Variants in PLCE1 observed in about 807,000 individuals in gnomAD.
PLCE1 encodes 1-phosphatidylinositol 4,5-bisphosphate phosphodiesterase epsilon-1.
PLCE1 carries 119 observed loss-of-function variants against 242.8 expected under a neutral mutation model. The observed-to-expected ratio is 0.49, with a 90% CI of 0.42 to 0.57. The LOEUF is 0.57. Among genes scored for constraint, PLCE1 ranks in the 20% least tolerant of loss-of-function variants. PLCE1 has a pLI of 0.00. For synonymous variants in PLCE1, 945 were observed against 1,017.4 expected (o/e 0.93, Z 1.35); for missense variants, 2,441 against 2,788.8 (o/e 0.88, Z 2.81).
chr10:94,028,415 T>A (rs1427108871), intron 1 of PLCE1, among the ~76,000 whole-genome samples: 1 of 152,166 alleles, frequency 6.6e-6, no homozygotes, highest in Non-Finnish European at 1.5e-5. Context: ...CCCCAGAGCA[T>A]GCGAGAGAGG....
intron 2 of PLCE1, chr10:94,089,015 A>C: frequency 6.7e-7 from 1 of 1,485,448 alleles, no homozygotes; most frequent in Non-Finnish European, 9.2e-7. Context: ...CAGCTAATGT[A>C]AACACTCATC....
intron 2 of PLCE1, chr10:94,107,579 T>C (rs1564695013): frequency 6.6e-6 from 1 of 152,170 alleles, no homozygotes; most frequent in Non-Finnish European, 1.5e-5. Flanking sequence ...CAGTGGACTC[T>C]GTAACCAAAA....
intron 7 of PLCE1, among the ~76,000 whole-genome samples, chr10:94,240,543 G>A (rs1294206073): frequency 2.0e-5 from 3 of 152,146 alleles, no homozygotes; most frequent in Non-Finnish European, 4.4e-5. Context: ...CTTTGGAAAG[G>A]ACATAGATTT....
intron 19 of PLCE1, among the ~76,000 whole-genome samples, chr10:94,277,712 T>G (rs2052014270): frequency 6.6e-6 from 1 of 152,182 alleles, no homozygotes; most frequent in Non-Finnish European, 1.5e-5. Context: ...GGCTCACTTG[T>G]GCCTACAACA....
intron 2 of PLCE1, among the ~76,000 whole-genome samples, chr10:94,085,061 A>G (rs1383380200): frequency 6.6e-6 from 1 of 152,246 alleles, no homozygotes; most frequent in African/African-American, 2.4e-5. Context: ...TTACAACAAC[A>G]ATAACAAATA....
chr10:94,150,211 T>C (rs543971928), intron 3 of PLCE1, among the ~76,000 whole-genome samples: 2 of 152,348 alleles, frequency 1.3e-5, no homozygotes, highest in African/African-American at 4.8e-5. Context: ...GCATGTCTTC[T>C]GTACTTCTCA....
chr10:94,191,502 G>A (rs1240428351), intron 4 of PLCE1, among the ~76,000 whole-genome samples: 1 of 152,184 alleles, frequency 6.6e-6, no homozygotes, highest in East Asian at 1.9e-4. Flanking sequence ...TTACCCAGGT[G>A]TGGGGTACGT....
intron 22 of PLCE1, chr10:94,286,809 A>C (rs1416392437): frequency 1.3e-5 from 2 of 152,164 alleles, no homozygotes; most frequent in Non-Finnish European, 2.9e-5. Context: ...CAACTGGCAA[A>C]ACTCTTTTTC....
At chr10:94,001,754 T>A (rs1265924239) in intron 1 of PLCE1, among the ~76,000 whole-genome samples, 1 of 152,228 alleles carries the variant, frequency 6.6e-6, no homozygotes, top group Non-Finnish European at 1.5e-5. Context: ...TAACACAAAC[T>A]CAGATTTCAT....
At chr10:94,027,580 G>A (rs1311864163) in intron 1 of PLCE1, among the ~76,000 whole-genome samples, 3 of 152,104 alleles carry the variant, frequency 2.0e-5, no homozygotes, top group Admixed American at 6.5e-5. Flanking sequence ...CCAGCACTTC[G>A]GGAAGCCAAG....
At position 93,997,974 on chromosome 10, in the gene PLCE1, T is replaced by C. The variant is rs2060860744; in HGVS notation, c.-365+3716T>C. On this transcript the variant is annotated intron_variant, in intron 1 of 32. Coordinates refer to ENST00000371380, the MANE Select transcript of PLCE1 (RefSeq NM_016341.4). ...GGGTGGAGGGTGGCCGGTGGTTTGG[T>C]CCTAGTATAGATCAACTGTTACAGG... Among the ~76,000 whole-genome samples the C allele has an allele frequency of 3.9e-5, 6 of 152,256 alleles. No individual in the cohort carries two copies. In the South Asian group the frequency reaches 1.2e-3, roughly 32 times the overall value.
intron 4 of PLCE1, among the ~76,000 whole-genome samples, chr10:94,221,266 T>G (rs2049733589): frequency 2.0e-5 from 3 of 152,348 alleles, no homozygotes; most frequent in African/African-American, 7.2e-5. Context: ...CTGATGTCAG[T>G]GCTCCACATT....
chr10:94,237,974 C>A (rs113358174), intron 7 of PLCE1, among the ~76,000 whole-genome samples: 229 of 152,248 alleles, frequency 1.5e-3, no homozygotes, highest in Middle Eastern at 0.014. Context: ...CCTGTGAAAA[C>A]TACAGCAAAG....
rs1046888483 is a variant in PLCE1 at position 94,030,734 on chromosome 10, G to A, written c.-313G>A. ...TTAAAATCATTGCAAATCAGTGATGGATCAGAAGTTGCAGAGTGCAATCCC... is the reference window on the plus strand; with the variant it reads ...TTAAAATCATTGCAAATCAGTGATGAATCAGAAGTTGCAGAGTGCAATCCC... On this transcript the variant is annotated 5_prime_UTR_variant, in exon 2 of 33. Coordinates refer to ENST00000371380, the MANE Select transcript of PLCE1 (RefSeq NM_016341.4). 1 of 353,644 alleles carries A rather than the reference G, an allele frequency of 2.8e-6. No individual in the cohort carries two copies. The highest frequency in any genetic ancestry group is 4.5e-5 in the Admixed American group (1 of 22,036). The allele number at this position is 353,644 out of a possible 1,614,324, so 21.9% of individuals were successfully genotyped here.
chr10:94,309,302 T>G (rs930882954), intron 27 of PLCE1, among the ~76,000 whole-genome samples: 3 of 151,612 alleles, frequency 2.0e-5, no homozygotes, highest in Non-Finnish European at 4.4e-5. Flanking sequence ...GAAAGTGCCA[T>G]AGTTGCAGAA....
chr10:94,312,701 T>A (rs1010821618), intron 27 of PLCE1, among the ~76,000 whole-genome samples: 1 of 152,234 alleles, frequency 6.6e-6, no homozygotes, highest in African/African-American at 2.4e-5. Flanking sequence ...TGCCCCTGAT[T>A]TTCTAGGGAC....
intron 2 of PLCE1, among the ~76,000 whole-genome samples, chr10:94,036,617 A>G (rs1429571278): frequency 6.6e-6 from 1 of 152,146 alleles, no homozygotes; most frequent in Non-Finnish European, 1.5e-5. Context: ...ATCCAGTTAC[A>G]GTCATACTCC....
At chr10:94,239,959 C>T (rs1222872558) in intron 7 of PLCE1, among the ~76,000 whole-genome samples, 1 of 152,184 alleles carries the variant, frequency 6.6e-6, no homozygotes, top group East Asian at 1.9e-4. Flanking sequence ...TGCCTCAGCC[C>T]AGCCCAGACC....
Position 94,030,731 on chromosome 10 carries a change from A to G in PLCE1, c.-316A>G, listed in dbSNP as rs2061541260. 1 of 341,196 alleles carries G rather than the reference A, an allele frequency of 2.9e-6. No homozygotes were observed. The highest frequency in any genetic ancestry group is 6.5e-5 in the East Asian group (1 of 15,290). The allele number at this position is 341,196 out of a possible 1,614,324, so 21.1% of individuals were successfully genotyped here. On this transcript the variant is annotated 5_prime_UTR_variant, in exon 2 of 33. An upstream start codon of the reference 5' UTR is lost. Transcript: ENST00000371380. ...ATTTTAAAATCATTGCAAATCAGTG[A>G]TGGATCAGAAGTTGCAGAGTGCAAT...
Sources: allele counts gnomAD v4.1 joint callset (sites outside exome capture counted in the v4.1 genomes callset), GRCh38; gene constraint gnomAD v4.1.1; transcripts MANE v1.5; gene names NCBI Gene and HGNC (gene_info 2026-07-23, HGNC 2026-07-21).